Variants in EEIG1 observed in about 807,000 individuals in gnomAD.
The protein encoded by EEIG1 is early estrogen-induced gene 1 protein.
At chr9:127,945,123 C>T in the EEIG1 span, among the ~76,000 whole-genome samples, 13 of 152,142 alleles carry the variant, frequency 8.5e-5, no homozygotes, top group African/African-American at 3.1e-4. This position sits in a 1 kb window ranked among gnomAD's most constrained non-coding sequence, Gnocchi z 6.5. Flanking sequence ...AGTCAGCTTC[C>T]TAAGGCCACC....
chr9:127,974,838 G>A, the EEIG1 span, among the ~76,000 whole-genome samples: 2 of 152,170 alleles, frequency 1.3e-5, no homozygotes, highest in African/African-American at 2.4e-5. Context: ...AGTGGAACAG[G>A]CACACGTGCC....
the EEIG1 span, chr9:127,953,462 G>A: frequency 1.2e-6 from 1 of 859,782 alleles, no homozygotes; most frequent in Non-Finnish European, 1.9e-6. Context: ...CACATCTCAG[G>A]TAGGGCTGAG....
At chr9:127,963,498 G>A in the EEIG1 span, among the ~76,000 whole-genome samples, 1 of 152,252 alleles carries the variant, frequency 6.6e-6, no homozygotes, top group Non-Finnish European at 1.5e-5. Flanking sequence ...TCAGCAAGGC[G>A]GGACAAGCCC....
chr9:127,954,460 TTCA>T, the EEIG1 span, among the ~76,000 whole-genome samples: 1 of 152,126 alleles, frequency 6.6e-6, no homozygotes, highest in African/African-American at 2.4e-5. Context: ...AGCTGCCTTC[TTCA>T]TCACTAATAA....
chr9:127,978,628 T>A, the EEIG1 span, among the ~76,000 whole-genome samples: 1 of 151,666 alleles, frequency 6.6e-6, no homozygotes, highest in African/African-American at 2.4e-5. Flanking sequence ...TCATTTGCAG[T>A]CAGGAGTTCG....
chr9:127,973,469 C>T, the EEIG1 span, among the ~76,000 whole-genome samples: 24,544 of 152,216 alleles, frequency 0.16, 2,580 homozygotes, highest in African/African-American at 0.3. The surrounding 1 kb of genome is among the most constrained non-coding windows in gnomAD (Gnocchi z 4.2). Flanking sequence ...AGGAAATAGC[C>T]TGGCTCCACG....
chr9:127,950,939 G>C, the EEIG1 span, among the ~76,000 whole-genome samples: 1 of 152,216 alleles, frequency 6.6e-6, no homozygotes, highest in African/African-American at 2.4e-5. Flanking sequence ...GTGGGTGCTG[G>C]GGAAAGTGAT....
the EEIG1 span, among the ~76,000 whole-genome samples, chr9:127,974,028 C>T: frequency 6.6e-6 from 1 of 152,174 alleles, no homozygotes; most frequent in Non-Finnish European, 1.5e-5. Context: ...AAATGACTGG[C>T]GCACTGCAGG....
chr9:127,947,668 C>T, the EEIG1 span, among the ~76,000 whole-genome samples: 15 of 152,250 alleles, frequency 9.9e-5, no homozygotes, highest in South Asian at 3.1e-3. Context: ...TGTGCCTCAC[C>T]CCCTGAATGC....
the EEIG1 span, chr9:127,953,623 A>G: frequency 6.2e-7 from 1 of 1,613,966 alleles, no homozygotes; most frequent in Middle Eastern, 1.7e-4. Flanking sequence ...GGAGGGAGAC[A>G]CAAGCAGCAA....
At chr9:127,966,266 C>T in the EEIG1 span, among the ~76,000 whole-genome samples, 1 of 152,062 alleles carries the variant, frequency 6.6e-6, no homozygotes, top group African/African-American at 2.4e-5. Flanking sequence ...AGGTCTGAAT[C>T]CTGCTGCTCA....
chr9:127,946,958 T>C, the EEIG1 span, among the ~76,000 whole-genome samples: 1 of 152,038 alleles, frequency 6.6e-6, no homozygotes, highest in African/African-American at 2.4e-5. Flanking sequence ...CTGGGGGCCC[T>C]GCTTAGGGTT....
At chr9:127,960,505 T>C in the EEIG1 span, among the ~76,000 whole-genome samples, 1 of 152,062 alleles carries the variant, frequency 6.6e-6, no homozygotes, top group African/African-American at 2.4e-5. Context: ...GCAGAGACAC[T>C]TCCCAGGCAG....
At chr9:127,980,360 G>A in the EEIG1 span, 2 of 506,900 alleles carry the variant, frequency 3.9e-6, no homozygotes, top group Admixed American at 7.1e-5. Flanking sequence ...GGGCTCGGAG[G>A]GGTTCGGAGC....
At chr9:127,948,001 C>T in the EEIG1 span, 105 of 1,523,026 alleles carry the variant, frequency 6.9e-5, 2 homozygotes, top group South Asian at 1.3e-3. Context: ...CCCTGGGGAC[C>T]TGGGCATGAC....
the EEIG1 span, among the ~76,000 whole-genome samples, chr9:127,968,804 A>T: frequency 6.6e-6 from 1 of 152,162 alleles, no homozygotes; most frequent in Non-Finnish European, 1.5e-5. Context: ...AGCTGTCTTC[A>T]TCAGTTCCCC....
the EEIG1 span, among the ~76,000 whole-genome samples, chr9:127,974,468 T>C: frequency 6.6e-6 from 1 of 152,178 alleles, no homozygotes; most frequent in African/African-American, 2.4e-5. Context: ...CTTATCCCGA[T>C]CTCTTTCCTG....
chr9:127,962,336 T>C, the EEIG1 span, among the ~76,000 whole-genome samples: 1 of 152,246 alleles, frequency 6.6e-6, no homozygotes, highest in Admixed American at 6.5e-5. Context: ...AAGATGGGCA[T>C]GGTGCCCCTT....
the EEIG1 span, chr9:127,948,102 G>T: frequency 6.2e-7 from 1 of 1,612,804 alleles, no homozygotes; most frequent in Non-Finnish European, 8.5e-7. Flanking sequence ...GAGCCTTGGG[G>T]GGCCGGGACC....
Sources: allele counts gnomAD v4.1 joint callset (sites outside exome capture counted in the v4.1 genomes callset), GRCh38; gene constraint gnomAD v4.1.1; non-coding constraint Gnocchi (gnomAD v3.1); transcripts MANE v1.5; gene names NCBI Gene and HGNC (gene_info 2026-07-23, HGNC 2026-07-21).